Variants in PLPPR5 observed in about 807,000 individuals in gnomAD.
PLPPR5 encodes the protein phospholipid phosphatase related 5.
PLPPR5 carries 16 observed loss-of-function variants against 33.9 expected under a neutral mutation model. The ratio of observed to expected loss-of-function variants is 0.47; its 90% confidence interval spans 0.32 to 0.72. The LOEUF is 0.72. Ranked by LOEUF, PLPPR5 falls within the 30% of genes least tolerant of loss-of-function variation. The pLI is 0.03. For synonymous variants in PLPPR5, 163 were observed against 150.3 expected (o/e 1.08, Z -0.62); for missense variants, 301 against 406.7 (o/e 0.74, Z 2.23).
chr1:98,941,924 G>A (rs948998297), intron 3 of PLPPR5, among the ~76,000 whole-genome samples: 1 of 151,100 alleles, frequency 6.6e-6, no homozygotes, highest in Non-Finnish European at 1.5e-5. Context: ...AAATCTCCTC[G>A]ATTTAAATGC....
Position 98,975,591 on chromosome 1 carries a change from T to C in PLPPR5, c.238-18850A>G, listed in dbSNP as rs561150298. On this transcript the variant is annotated intron_variant, in intron 1 of 5. Coordinates refer to ENST00000263177, the MANE Select transcript of PLPPR5 (RefSeq NM_001037317.2). ...CAAAGCACTGACTTCTTTCAATATCTATCCTACCTGATCTGATGCCTCTGA... is the reference window on the plus strand; with the variant it reads ...CAAAGCACTGACTTCTTTCAATATCCATCCTACCTGATCTGATGCCTCTGA... Among the ~76,000 whole-genome samples the C allele has an allele frequency of 3.3e-5, 5 of 152,196 alleles. No individual in the cohort carries two copies. In the South Asian group the frequency reaches 1.0e-3, roughly 32 times the overall value.
At chr1:98,956,250 T>C (rs1320126516) in intron 2 of PLPPR5, among the ~76,000 whole-genome samples, 2 of 152,202 alleles carry the variant, frequency 1.3e-5, no homozygotes, top group Non-Finnish European at 2.9e-5. Context: ...AAGGTGGTGT[T>C]CTTTTTTCCT....
At chr1:98,992,039 A>G (rs1360079686) in intron 1 of PLPPR5, among the ~76,000 whole-genome samples, 1 of 152,204 alleles carries the variant, frequency 6.6e-6, no homozygotes, top group East Asian at 1.9e-4. Context: ...AATATATAAG[A>G]TAAGGGAAAA....
At chr1:98,898,188 T>C (rs1648552838) in intron 5 of PLPPR5, among the ~76,000 whole-genome samples, 1 of 152,160 alleles carries the variant, frequency 6.6e-6, no homozygotes, top group African/African-American at 2.4e-5. Flanking sequence ...GCAGAAATAC[T>C]CATCTGTGAT....
At chr1:98,940,337 A>G (rs1288253063) in intron 3 of PLPPR5, among the ~76,000 whole-genome samples, 1 of 151,860 alleles carries the variant, frequency 6.6e-6, no homozygotes, top group Non-Finnish European at 1.5e-5. Context: ...TTATAAGGAC[A>G]CAATCCCATC....
At chr1:98,919,452 GA>G (rs1649470530) in intron 4 of PLPPR5, among the ~76,000 whole-genome samples, 1 of 152,112 alleles carries the variant, frequency 6.6e-6, no homozygotes, top group African/African-American at 2.4e-5. Flanking sequence ...AAGATAATTA[GA>G]AACACCCTAG....
Position 99,004,654 on chromosome 1 carries a change from C to G in PLPPR5, c.18G>C (p.Ala6=). 6.2e-7 allele frequency: 1 copy of G among 1,611,258 alleles called. No homozygotes were observed. The highest frequency in any genetic ancestry group is 1.3e-5 in the African/African-American group (1 of 74,882). MPLLP[A]ALTSSMLYFQ... ...AATAGAGCATGCTGCTGGTGAGCGC[C>G]GCGGGCAGCAGGGGCATGCACGCCT... Residue 6 remains alanine, a synonymous_variant, in exon 1 of 6, where the codon GCG becomes GCC. Coordinates refer to ENST00000263177, the MANE Select transcript of PLPPR5 (RefSeq NM_001037317.2).
intron 1 of PLPPR5, among the ~76,000 whole-genome samples, chr1:98,998,511 T>C (rs1423397401): frequency 1.3e-5 from 2 of 152,162 alleles, no homozygotes; most frequent in Non-Finnish European, 2.9e-5. Flanking sequence ...GAAATCATCA[T>C]CTACGATAGA....
chr1:98,896,166 A>G (rs1322949003), intron 5 of PLPPR5, among the ~76,000 whole-genome samples: 1 of 152,070 alleles, frequency 6.6e-6, no homozygotes, highest in East Asian at 1.9e-4. Flanking sequence ...TTACCAAGGT[A>G]TGTACATGCA....
At chr1:98,994,768 T>C (rs1652572763) in intron 1 of PLPPR5, among the ~76,000 whole-genome samples, 1 of 152,144 alleles carries the variant, frequency 6.6e-6, no homozygotes, top group African/African-American at 2.4e-5. Flanking sequence ...TTAATTAGCA[T>C]TGTGGATGTA....
chr1:98,909,581 T>A (rs1478441829), intron 5 of PLPPR5, among the ~76,000 whole-genome samples: 1 of 152,000 alleles, frequency 6.6e-6, no homozygotes, highest in Non-Finnish European at 1.5e-5. Context: ...TAAGTGCTTT[T>A]ACCATTAACT....
chr1:98,976,675 C>T (rs949237498), intron 1 of PLPPR5, among the ~76,000 whole-genome samples: 7 of 151,662 alleles, frequency 4.6e-5, no homozygotes, highest in Non-Finnish European at 7.4e-5. Flanking sequence ...GACTAGATTT[C>T]GAAGACTTAG....
At chr1:98,969,891 G>A (rs369611503) in intron 1 of PLPPR5, among the ~76,000 whole-genome samples, 4 of 151,996 alleles carry the variant, frequency 2.6e-5, no homozygotes, top group Non-Finnish European at 4.4e-5. Flanking sequence ...TGACTAAACC[G>A]TGATACTCTG....
intron 3 of PLPPR5, 129 bp downstream of exon 3, chr1:98,952,941 T>C: frequency 5.3e-6 from 6 of 1,121,506 alleles, no homozygotes; most frequent in Middle Eastern, 6.2e-4. Flanking sequence ...TAAAAATAGA[T>C]TAAATGGCCT....
At position 99,004,693 on chromosome 1, in the gene PLPPR5, G is replaced by A. The variant is rs374493502; in HGVS notation, c.-22C>T. 4.3e-5 allele frequency: 63 copies of A among 1,476,206 alleles called. 1 individual carries two copies. In the African/African-American group the frequency reaches 6.8e-4, roughly 16 times the overall value. 91.4% of individuals were successfully genotyped at this position (1,476,206 alleles called of 1,614,324 possible). On this transcript the variant is annotated 5_prime_UTR_variant, in exon 1 of 6. Transcript: ENST00000263177. ...GCATGCACGCCTCCCGGGCCGGGCC[G>A]AGCCGAGCCGAGCGGGCGGTCGACG...
chr1:98,971,457 A>G (rs186982680), intron 1 of PLPPR5, among the ~76,000 whole-genome samples: 4 of 152,116 alleles, frequency 2.6e-5, no homozygotes, highest in African/African-American at 9.6e-5. Flanking sequence ...CTCAGTTTTT[A>G]TCTGATTTCC....
chr1:98,943,387 T>C (rs1209220479), intron 3 of PLPPR5, among the ~76,000 whole-genome samples: 1 of 152,110 alleles, frequency 6.6e-6, no homozygotes, highest in Non-Finnish European at 1.5e-5. Flanking sequence ...AAAAAAAATA[T>C]CCAGATATTT....
chr1:98,916,827 C>T (rs1570695186), intron 4 of PLPPR5, among the ~76,000 whole-genome samples: 2 of 152,232 alleles, frequency 1.3e-5, no homozygotes, highest in East Asian at 3.9e-4. Flanking sequence ...TTTAATAAGT[C>T]TTGTCTGCTA....
At chr1:98,976,151 C>CT (rs978620858) in intron 1 of PLPPR5, among the ~76,000 whole-genome samples, 15 of 131,174 alleles carry the variant, frequency 1.1e-4, no homozygotes, top group East Asian at 7.8e-4. Flanking sequence ...TCTCAAACAA[C>CT]TTTTTTTTTA....
Sources: gnomAD v4.1 joint callset for allele counts (sites outside exome capture counted in the v4.1 genomes callset) on GRCh38, gnomAD v4.1.1 for gene constraint, MANE v1.5 for transcripts, NCBI Gene and HGNC (gene_info 2026-07-23, HGNC 2026-07-21) for gene names.